The following ANXA7 variants were observed in gnomAD, a reference collection of about 807,000 sequenced individuals.
ANXA7 encodes the protein annexin VII.
ANXA7 carries 55 observed loss-of-function variants against 64.9 expected under a neutral mutation model. The ratio of observed to expected loss-of-function variants is 0.85; its 90% CI spans 0.68 to 1.06. The LOEUF is 1.06. Ranked by LOEUF, ANXA7 falls within the 50% of genes least tolerant of loss-of-function variation. ANXA7 has a pLI of 0.00. For missense variants in ANXA7, 548 were observed against 582.1 expected, an observed-to-expected ratio of 0.94 and a Z score of 0.60; for synonymous variants, 200 against 192.4, an observed-to-expected ratio of 1.04 and a Z score of -0.33.
chr10:73,398,691 T>C (rs1412508943), intron 2 of ANXA7, among the ~76,000 whole-genome samples: 1 of 152,006 alleles, frequency 6.6e-6, no homozygotes, highest in Admixed American at 6.5e-5. Flanking sequence ...AAAAAACTCA[T>C]CAGTTCCTTC....
intron 9 of ANXA7, 133 bp downstream of exon 9, chr10:73,383,042 C>G (rs2055299470): frequency 1.4e-6 from 1 of 718,202 alleles, no homozygotes; most frequent in African/African-American, 1.8e-5. Context: ...ACACTGGTTT[C>G]TGTGTTGTCC....
rs769277191 is a variant in ANXA7, at chr10:73,397,256, A to C, written c.278T>G (p.Phe93Cys). ...SYPGVPPGQG[F>C]GVPPGGAGFS... The stretch of plus-strand genomic sequence containing the variant: ...GCCTGCTCCACCTGGTGGGACTCCA[A>C]ATCCTTGGCCTGGAGGAACTAGAGA... Residue 93 changes from phenylalanine (F) to cysteine (C), a missense_variant, in exon 4 of 13, where the codon TTT becomes TGT. By Grantham distance (205) the Phe-to-Cys change is radical. Coordinates refer to ENST00000372921, the MANE Select transcript of ANXA7 (RefSeq NM_001156.5). The C allele has an allele frequency of 3.7e-6, 6 of 1,612,248 alleles. No homozygotes were observed. Among genetic ancestry groups the C allele is most frequent in the Non-Finnish European group, 4.2e-6 (5 of 1,178,814 alleles).
intron 1 of ANXA7, among the ~76,000 whole-genome samples, chr10:73,404,166 AAG>A (rs2055716314): frequency 6.6e-6 from 1 of 152,230 alleles, no homozygotes; most frequent in Non-Finnish European, 1.5e-5. Context: ...CTGATGGAAA[AAG>A]AAAGTAGGGT....
chr10:73,381,005 G>C (rs1232126296), intron 9 of ANXA7, among the ~76,000 whole-genome samples: 1 of 152,068 alleles, frequency 6.6e-6, no homozygotes, highest in Admixed American at 6.6e-5. Context: ...ATATAATATG[G>C]AGGCTTCATA....
chr10:73,410,611 G>T (rs1007775432), intron 1 of ANXA7, among the ~76,000 whole-genome samples: 1 of 151,878 alleles, frequency 6.6e-6, no homozygotes, highest in Admixed American at 6.6e-5. Context: ...GGAGAAACCC[G>T]TCTCTACCAA....
chr10:73,382,373 CACTCT>C (rs1340161947), intron 9 of ANXA7, among the ~76,000 whole-genome samples: 1 of 152,020 alleles, frequency 6.6e-6, no homozygotes, highest in Non-Finnish European at 1.5e-5. Flanking sequence ...GACAGGATCT[CACTCT>C]ATTGCCCAGG....
chr10:73,385,949 C>T (rs1173560258), intron 7 of ANXA7, among the ~76,000 whole-genome samples: 1 of 152,098 alleles, frequency 6.6e-6, no homozygotes, highest in Non-Finnish European at 1.5e-5. Flanking sequence ...CGTGGTGGCT[C>T]ATGCCTGTAA....
chr10:73,379,166 G>A, intron 11 of ANXA7, 143 bp from the exon 12 acceptor site: 1 of 554,544 alleles, frequency 1.8e-6, no homozygotes, highest in Non-Finnish European at 3.0e-6. Flanking sequence ...AGAGTGTTCA[G>A]ATGCTCTCCT....
At chr10:73,401,273 C>G (rs1424468841) in intron 1 of ANXA7, among the ~76,000 whole-genome samples, 1 of 146,494 alleles carries the variant, frequency 6.8e-6, no homozygotes, top group Non-Finnish European at 1.5e-5. Flanking sequence ...AACACACACA[C>G]ACACACACAC....
chr10:73,387,977 G>A (rs1189440926), intron 6 of ANXA7, among the ~76,000 whole-genome samples, 194 bp from the exon 7 acceptor site: 4 of 151,146 alleles, frequency 2.6e-5, no homozygotes, highest in African/African-American at 9.7e-5. Flanking sequence ...TCAGCTTCCC[G>A]TGAAGCTGGG....
chr10:73,393,699 A>G (rs1326647838), intron 5 of ANXA7, among the ~76,000 whole-genome samples: 1 of 152,236 alleles, frequency 6.6e-6, no homozygotes, highest in Non-Finnish European at 1.5e-5. Context: ...ACCTTATACA[A>G]CAATTAATTC....
intron 1 of ANXA7, among the ~76,000 whole-genome samples, chr10:73,401,712 G>A (rs1340014503): frequency 6.6e-6 from 1 of 152,052 alleles, no homozygotes; most frequent in African/African-American, 2.4e-5. Flanking sequence ...ATGTTGGCCA[G>A]GCCGGTCTTG....
intron 1 of ANXA7, among the ~76,000 whole-genome samples, chr10:73,411,262 G>A (rs2055833297): frequency 6.6e-6 from 1 of 152,132 alleles, no homozygotes; most frequent in Non-Finnish European, 1.5e-5. Flanking sequence ...AAAGACATAG[G>A]TATGAAGTGA....
intron 5 of ANXA7, among the ~76,000 whole-genome samples, chr10:73,394,757 A>G (rs928572366): frequency 6.6e-6 from 1 of 152,198 alleles, no homozygotes; most frequent in Non-Finnish European, 1.5e-5. Flanking sequence ...TACACCTAAT[A>G]TAAATGACGA....
Position 73,376,168 on chromosome 10 carries a change from GTCT to G in ANXA7, c.1325_1327del (p.Lys442del), listed in dbSNP as rs779681585. ...GTCACCTGCAATCATTGTGCCCAGA[GTCT>G]TCTGATACATCTGAGCGAACATCTG... On this transcript the variant is annotated inframe_deletion, in exon 13 of 13. Transcript: ENST00000372921. 4 of 1,606,932 alleles carry G rather than the reference GTCT, an allele frequency of 2.5e-6. No homozygotes were observed. In the Admixed American group the frequency reaches 6.7e-5, roughly 27 times the overall value.
Position 73,398,190 on chromosome 10 carries a change from A to G in ANXA7, c.250T>C (p.Tyr84His), listed in dbSNP as rs1366026232. 2.5e-6 allele frequency: 4 copies of G among 1,610,436 alleles called. No individual in the cohort carries two copies. The highest frequency in any genetic ancestry group is 1.3e-5 in the African/African-American group (1 of 74,886). The change falls in exon 3 of 13, where the codon TAT becomes CAT. Residue 84 changes from tyrosine to histidine, a missense_variant. Transcript: ENST00000372921. ...GCAACCCGTAACTCACCTCCGGGAT[A>G]GGATGGAGCTCCCCCTGGCTGTGGG... is the stretch of plus-strand genomic sequence containing the variant. ...GAPQPGGAPSYPGVPPGQGFG... is the reference protein window; with the variant it reads ...GAPQPGGAPSHPGVPPGQGFG...
chr10:73,406,018 C>T (rs1041446368), intron 1 of ANXA7, among the ~76,000 whole-genome samples: 2 of 151,560 alleles, frequency 1.3e-5, no homozygotes, highest in Admixed American at 1.3e-4. Flanking sequence ...TGCAGTGGTG[C>T]AATCTCGGCT....
chr10:73,390,063 A>C (rs999449814), intron 5 of ANXA7, among the ~76,000 whole-genome samples: 2 of 152,254 alleles, frequency 1.3e-5, no homozygotes, highest in African/African-American at 2.4e-5. Flanking sequence ...AATAAAGATT[A>C]CTGTTGTAAA....
rs1293712491 is a variant in ANXA7 at position 73,383,252 on chromosome 10, A to T, written c.841T>A (p.Phe281Ile). The change falls in exon 9 of 13, where the codon TTT becomes ATT. Residue 281 changes from phenylalanine (F) to isoleucine (I), a missense_variant. By Grantham distance (21) the Phe-to-Ile change is conservative (BLOSUM62 0). Transcript: ENST00000372921. ...ATGTCCTTTTCAAGGTCTCGTCCAAATTCTGACTGATAACATCTGACAATT... is the reference window on the plus strand; with the variant it reads ...ATGTCCTTTTCAAGGTCTCGTCCAATTTCTGACTGATAACATCTGACAATT... ...REIVRCYQSE[F>I]GRDLEKDIRS... 3.1e-6 allele frequency: 5 copies of T among 1,614,080 alleles called. No individual in the cohort carries two copies. In the Admixed American group the frequency reaches 8.3e-5, roughly 27 times the overall value.
Sources: allele counts gnomAD v4.1 joint callset (sites outside exome capture counted in the v4.1 genomes callset), GRCh38; gene constraint gnomAD v4.1.1; transcripts MANE v1.5; gene names NCBI Gene and HGNC (gene_info 2026-07-23, HGNC 2026-07-21).